The following MFSD11 variants were observed in gnomAD, a reference collection of about 807,000 sequenced individuals.
MFSD11 encodes major facilitator superfamily domain containing 11.
In MFSD11, 36 loss-of-function variants were observed where a neutral mutation model predicts 53.5. That is an observed-to-expected ratio of 0.67 (90% CI 0.52 to 0.89). MFSD11 has a LOEUF of 0.89. Ranked by LOEUF, MFSD11 falls within the 40% of genes least tolerant of loss-of-function variation. MFSD11 has a pLI of 0.00. For synonymous variants in MFSD11, 186 were observed against 184.9 expected (o/e 1.01, Z -0.05); for missense variants, 530 against 543.9 (o/e 0.97, Z 0.25).
At chr17:76,765,994 A>G (rs2080816896) in intron 8 of MFSD11, among the ~76,000 whole-genome samples, 1 of 150,958 alleles carries the variant, frequency 6.6e-6, no homozygotes, top group African/African-American at 2.4e-5. Context: ...TTACGTTAGG[A>G]TTCACTCTTG....
intron 8 of MFSD11, among the ~76,000 whole-genome samples, chr17:76,760,160 C>T (rs914664267): frequency 1.4e-5 from 2 of 146,070 alleles, no homozygotes; most frequent in Admixed American, 6.9e-5. Context: ...CCCAGCTCCT[C>T]GGGAGGCTGA....
the MFSD11 span, among the ~76,000 whole-genome samples, chr17:76,790,675 C>T: frequency 4.1e-5 from 6 of 144,668 alleles, no homozygotes; most frequent in Admixed American, 1.4e-4. Flanking sequence ...TAGTCTAACT[C>T]GGCCGGGCGT....
chr17:76,740,933 T>C (rs918078105), intron 2 of MFSD11, 24 bp from the exon 3 acceptor site: 3 of 1,286,758 alleles, frequency 2.3e-6, no homozygotes, highest in Admixed American at 2.1e-5. Context: ...TTTTTTTTTT[T>C]CCGTTTGTGT....
downstream of MFSD11, among the ~76,000 whole-genome samples, chr17:76,786,366 AACTG>A (rs2082274083): frequency 6.6e-6 from 1 of 151,972 alleles, no homozygotes; most frequent in African/African-American, 2.4e-5. Context: ...GCTGGTCTCG[AACTG>A]ACCTCAAGTG....
chr17:76,785,987 A>G (rs965111082), downstream of MFSD11, among the ~76,000 whole-genome samples: 11 of 149,280 alleles, frequency 7.4e-5, no homozygotes, highest in Non-Finnish European at 3.0e-5. Context: ...AGGCACGAGC[A>G]TCACTTGAAC....
At chr17:76,750,514 G>A (rs542130420) in intron 7 of MFSD11, among the ~76,000 whole-genome samples, 2 of 151,114 alleles carry the variant, frequency 1.3e-5, no homozygotes, top group South Asian at 2.1e-4. Context: ...CCTGCCACAC[G>A]CCCGGCTAAT....
Position 76,739,466 on chromosome 17 carries a change from G to T in MFSD11, c.152+473G>T, listed in dbSNP as rs978839017. Among the ~76,000 whole-genome samples, 3 of 152,202 alleles carry T rather than the reference G, an allele frequency of 2.0e-5. 1 individual carries two copies. The highest frequency in any genetic ancestry group is 1.3e-4 in the Admixed American group (2 of 15,276). On this transcript the variant is annotated intron_variant, in intron 2 of 12. Transcript: ENST00000685175. ...TAAGGTGATTAGTCCCAATTTTACA[G>T]ATGGGTAAAATGAAAAGACCTTCAC...
chr17:76,776,263 G>A lies in MFSD11; in HGVS notation c.1050-143G>A, dbSNP rs556511459. ...CAAAGTGCTGGGATTCCAGGTGTGA[G>A]CCACCGCACCAGCTTTGTCTTTATT... On this transcript the variant is annotated intron_variant, in intron 11 of 12. Coordinates refer to ENST00000685175, the MANE Select transcript of MFSD11 (RefSeq NM_001242532.5). The surrounding 1 kb of genome is among the most constrained non-coding windows in gnomAD (Gnocchi z 4.2). The A allele has an allele frequency of 2.1e-5, 17 of 807,862 alleles. No individual in the cohort carries two copies. In the African/African-American group the frequency reaches 2.5e-4, roughly 12 times the overall value. The allele number at this position is 807,862 out of a possible 1,614,324, so 50.0% of individuals were successfully genotyped here. A position where few individuals can be genotyped will look rare whatever the true frequency, so the allele number is the denominator to read the frequency against.
At chr17:76,759,089 T>TA (rs1276514405) in intron 8 of MFSD11, among the ~76,000 whole-genome samples, 2 of 151,606 alleles carry the variant, frequency 1.3e-5, no homozygotes, top group Non-Finnish European at 2.9e-5. Flanking sequence ...CTACTAAAAA[T>TA]AAAAAAATAA....
the MFSD11 span, among the ~76,000 whole-genome samples, chr17:76,801,387 GGAAAA>G: frequency 6.3e-5 from 8 of 127,726 alleles, no homozygotes; most frequent in Non-Finnish European, 9.9e-5. Context: ...AAAAAAAAAA[GGAAAA>G]GAAAAGAAAA....
upstream of MFSD11, chr17:76,737,337 G>A (rs1023787503): frequency 5.5e-5 from 45 of 824,462 alleles, no homozygotes; most frequent in Middle Eastern, 3.8e-4. Context: ...CAACTGGGCG[G>A]GCAGCCGGCC....
the MFSD11 span, among the ~76,000 whole-genome samples, chr17:76,795,820 A>AT: frequency 0.17 from 23,127 of 139,926 alleles, 2,089 homozygotes; most frequent in Admixed American, 0.27. Context: ...CGCCCGGCTA[A>AT]TTTTTTTTTT....
intron 11 of MFSD11, among the ~76,000 whole-genome samples, chr17:76,775,559 A>G (rs1391293209): frequency 5.3e-5 from 8 of 152,208 alleles, no homozygotes; most frequent in African/African-American, 1.4e-4. Context: ...AGCAGTTTAT[A>G]TAACGTTTGA....
intron 3 of MFSD11, 100 bp downstream of exon 3, chr17:76,741,164 G>T: frequency 2.5e-6 from 2 of 803,016 alleles, no homozygotes; most frequent in Admixed American, 2.2e-5. Context: ...GGACTGAATA[G>T]AATATAGGTG....
intron 8 of MFSD11, 141 bp downstream of exon 8, chr17:76,754,228 A>G: frequency 1.6e-6 from 1 of 629,282 alleles, no homozygotes; most frequent in Non-Finnish European, 2.8e-6. Context: ...AAATATATTG[A>G]TCTTCCTTAT....
At chr17:76,737,446 T>G (rs1003754996), upstream of MFSD11, 10 of 392,000 alleles carry the variant, frequency 2.6e-5, no homozygotes, top group African/African-American at 2.0e-4. Context: ...GTAACGACCC[T>G]GCCGCGCGCC....
chr17:76,740,486 T>C (rs1452808254), intron 2 of MFSD11, among the ~76,000 whole-genome samples: 1 of 152,154 alleles, frequency 6.6e-6, no homozygotes, highest in African/African-American at 2.4e-5. Flanking sequence ...GTAGGCTAAG[T>C]TTGTAGGGCA....
chr17:76,783,475 G>A (rs79191883), downstream of MFSD11, among the ~76,000 whole-genome samples: 2,943 of 152,132 alleles, frequency 0.019, 43 homozygotes, highest in Non-Finnish European at 0.032. Flanking sequence ...CCAGGGCTTC[G>A]GCTGCCCACA....
intron 6 of MFSD11, 65 bp from the exon 7 acceptor site, chr17:76,744,257 T>G: frequency 6.6e-7 from 1 of 1,504,220 alleles, no homozygotes; most frequent in South Asian, 1.3e-5. Flanking sequence ...GCAGCCCTTG[T>G]ACCGTGATAC....
Sources: gnomAD v4.1 joint callset for allele counts (sites outside exome capture counted in the v4.1 genomes callset) on GRCh38, gnomAD v4.1.1 for gene constraint, Gnocchi (gnomAD v3.1) non-coding constraint, MANE v1.5 for transcripts, NCBI Gene and HGNC (gene_info 2026-07-23, HGNC 2026-07-21) for gene names.